The following ADAMTSL3 variants were observed in gnomAD, a reference collection of about 807,000 sequenced individuals.
ADAMTSL3 encodes ADAMTS-like protein 3.
In ADAMTSL3, 128 loss-of-function variants were observed where a neutral mutation model predicts 201.7. The observed-to-expected ratio is 0.63, with a 90% CI of 0.55 to 0.73. The LOEUF (loss-of-function observed/expected upper bound fraction) is 0.73. Ranked by LOEUF, ADAMTSL3 falls within the 30% of genes least tolerant of loss-of-function variation. The pLI, the probability that ADAMTSL3 is intolerant of heterozygous loss-of-function variation, is 0.00. For missense variants in ADAMTSL3, 1,990 were observed against 2,119.6 expected (o/e 0.94, Z 1.20); for synonymous variants, 738 against 748.4 (o/e 0.99, Z 0.23).
intron 4 of ADAMTSL3, among the ~76,000 whole-genome samples, chr15:83,779,508 C>G (rs1596192635): frequency 6.6e-6 from 1 of 152,014 alleles, no homozygotes; most frequent in East Asian, 1.9e-4. Context: ...ACCATCCTGG[C>G]TAACACAATG....
At chr15:83,881,886 G>C (rs1049051763) in intron 9 of ADAMTSL3, among the ~76,000 whole-genome samples, 2 of 150,578 alleles carry the variant, frequency 1.3e-5, no homozygotes, top group African/African-American at 4.8e-5. Flanking sequence ...GGGCGCGATG[G>C]CTCACGCCTG....
At chr15:83,676,804 G>A (rs186818407) in intron 2 of ADAMTSL3, among the ~76,000 whole-genome samples, 13 of 152,314 alleles carry the variant, frequency 8.5e-5, no homozygotes, top group Admixed American at 1.3e-4. Context: ...GCCAAAAGGC[G>A]CTTGTTTGCC....
At chr15:83,820,605 T>C (rs1287296585) in intron 6 of ADAMTSL3, among the ~76,000 whole-genome samples, 3 of 152,232 alleles carry the variant, frequency 2.0e-5, no homozygotes, top group African/African-American at 7.2e-5. Context: ...AGTCTCTTAT[T>C]AAATTAAGCT....
At chr15:84,009,547 G>A (rs1180014754) in intron 23 of ADAMTSL3, among the ~76,000 whole-genome samples, 1 of 152,178 alleles carries the variant, frequency 6.6e-6, no homozygotes, top group Non-Finnish European at 1.5e-5. Context: ...TATTTTTGAA[G>A]TAGTGTTGGC....
chr15:83,727,713 T>C (rs1596099165), intron 3 of ADAMTSL3, among the ~76,000 whole-genome samples: 1 of 152,078 alleles, frequency 6.6e-6, no homozygotes, highest in African/African-American at 2.4e-5. Context: ...TTCCATTCCA[T>C]TGTGGTCAGA....
At chr15:83,836,231 G>A (rs529757604) in intron 6 of ADAMTSL3, among the ~76,000 whole-genome samples, 2 of 152,068 alleles carry the variant, frequency 1.3e-5, no homozygotes, top group East Asian at 3.9e-4. Context: ...AGATCTCCTA[G>A]ACTATGATTG....
In ADAMTSL3 at chr15:83,707,784, A is replaced by G. The variant is rs577421359; in HGVS notation, c.189+3276A>G. Among the ~76,000 whole-genome samples, 8 of 152,356 alleles carry G rather than the reference A, an allele frequency of 5.3e-5. No homozygotes were observed. The South Asian group carries it at 1.7e-3, about 32-fold the overall frequency. ...AGATTCAACCCAGTTGCTGGATCCA[A>G]CATAATATAGGGTTTAATGTCTAGC... On this transcript the variant is annotated intron_variant, in intron 3 of 29. Coordinates refer to ENST00000286744, the MANE Select transcript of ADAMTSL3 (RefSeq NM_207517.3).
chr15:83,942,587 C>G lies in ADAMTSL3; in HGVS notation c.2118-9C>G, dbSNP rs1006747467. On this transcript the variant is annotated splice_polypyrimidine_tract_variant and intron_variant, in intron 17 of 29. Coordinates refer to ENST00000286744, the MANE Select transcript of ADAMTSL3 (RefSeq NM_207517.3). ...CTGTTCAACTTTCCCCACTTGTTTT[C>G]TGTTTTAGGTGGCATGTGGGCTCTT... is the stretch of plus-strand genomic sequence containing the variant. 6.2e-7 allele frequency: 1 copy of G among 1,606,216 alleles called. No homozygotes were observed. Among genetic ancestry groups the G allele is most frequent in the African/African-American group, 1.3e-5 (1 of 74,662 alleles).
At chr15:83,732,562 A>G (rs2062297419) in intron 3 of ADAMTSL3, among the ~76,000 whole-genome samples, 1 of 152,128 alleles carries the variant, frequency 6.6e-6, no homozygotes, top group Admixed American at 6.6e-5. Context: ...TACCAGGGCT[A>G]TTGCTTTGAC....
At chr15:83,818,994 C>G (rs987741490) in intron 5 of ADAMTSL3, among the ~76,000 whole-genome samples, 1 of 152,068 alleles carries the variant, frequency 6.6e-6, no homozygotes, top group Non-Finnish European at 1.5e-5. Flanking sequence ...AACGACAGGC[C>G]GGGCACTGTG....
At chr15:83,866,179 A>G (rs1194604902) in intron 8 of ADAMTSL3, among the ~76,000 whole-genome samples, 1 of 152,272 alleles carries the variant, frequency 6.6e-6, no homozygotes, top group Non-Finnish European at 1.5e-5. Flanking sequence ...AACTAGTTCA[A>G]CCATTGTGGA....
At chr15:83,684,975 C>A (rs1435746899) in intron 2 of ADAMTSL3, among the ~76,000 whole-genome samples, 1 of 152,106 alleles carries the variant, frequency 6.6e-6, no homozygotes, top group Non-Finnish European at 1.5e-5. Context: ...AATTAAGAAT[C>A]CTAGTTGTAC....
intron 3 of ADAMTSL3, among the ~76,000 whole-genome samples, chr15:83,722,566 A>G (rs2062115724): frequency 6.6e-6 from 1 of 152,224 alleles, no homozygotes; most frequent in South Asian, 2.1e-4. Flanking sequence ...ATTCAAATAA[A>G]CATTAAGTGA....
intron 19 of ADAMTSL3, among the ~76,000 whole-genome samples, chr15:83,948,192 C>T (rs2066692151): frequency 1.3e-5 from 2 of 152,074 alleles, no homozygotes; most frequent in African/African-American, 2.4e-5. Flanking sequence ...TGAATTACAA[C>T]TCGTGAAGGA....
chr15:83,736,845 C>G (rs771811687), intron 3 of ADAMTSL3, among the ~76,000 whole-genome samples: 2 of 152,194 alleles, frequency 1.3e-5, no homozygotes, highest in Non-Finnish European at 2.9e-5. Context: ...CCTCCCACTT[C>G]TCCACGACCA....
intron 20 of ADAMTSL3, among the ~76,000 whole-genome samples, chr15:83,981,495 T>C (rs986120220): frequency 6.6e-6 from 1 of 152,202 alleles, no homozygotes; most frequent in African/African-American, 2.4e-5. Flanking sequence ...GACTTAATTT[T>C]TACTTCCCTC....
chr15:83,923,778 G>A, intron 16 of ADAMTSL3, 126 bp from the exon 17 acceptor site: 3 of 1,136,198 alleles, frequency 2.6e-6, no homozygotes, highest in Non-Finnish European at 2.5e-6. Context: ...CTGAAATGCA[G>A]CCTGCAGCCC....
intron 19 of ADAMTSL3, among the ~76,000 whole-genome samples, chr15:83,964,142 C>G (rs2067032835): frequency 6.6e-6 from 1 of 152,068 alleles, no homozygotes; most frequent in Admixed American, 6.5e-5. Context: ...AACTCCTTGC[C>G]AGCAAGGGAA....
chr15:83,827,053 A>G (rs2064039700), intron 6 of ADAMTSL3, among the ~76,000 whole-genome samples: 1 of 152,140 alleles, frequency 6.6e-6, no homozygotes, highest in Non-Finnish European at 1.5e-5. Context: ...GTCAAATGGT[A>G]TTTCTAGTTC....
Sources: allele counts gnomAD v4.1 joint callset (sites outside exome capture counted in the v4.1 genomes callset), GRCh38; gene constraint gnomAD v4.1.1; transcripts MANE v1.5; gene names NCBI Gene and HGNC (gene_info 2026-07-23, HGNC 2026-07-21).